The following MCM3 variants were observed in gnomAD, a reference collection of about 807,000 sequenced individuals.
MCM3 encodes the protein minichromosome maintenance complex component 3.
In MCM3, 59 loss-of-function variants were observed where a neutral mutation model predicts 91.3. The observed-to-expected ratio is 0.65, with a 90% CI of 0.52 to 0.80. The LOEUF (loss-of-function observed/expected upper bound fraction) is 0.80. Among genes scored for constraint, MCM3 ranks in the 30% least tolerant of loss-of-function variants. The pLI is 0.00. For missense variants in MCM3, 919 were observed against 1,035.4 expected, an observed-to-expected ratio of 0.89 and a Z score of 1.54; for synonymous variants, 383 against 379.6, an observed-to-expected ratio of 1.01 and a Z score of -0.10.
At chr6:52,268,290 T>A (rs1224464762) in intron 13 of MCM3, among the ~76,000 whole-genome samples, 2 of 152,074 alleles carry the variant, frequency 1.3e-5, no homozygotes, top group Non-Finnish European at 2.9e-5. Context: ...GGTGTCTAAT[T>A]GAAATCCAAG....
chr6:52,267,806 G>A lies in MCM3; in HGVS notation c.2072+59C>T, dbSNP rs370748985. On this transcript the variant is annotated intron_variant, in intron 14 of 16. Coordinates refer to ENST00000596288, the MANE Select transcript of MCM3 (RefSeq NM_002388.6). ...CTCCCAAATTGCTAAGATTACAGGC[G>A]TGCACCCCCAACTTCTTGGCCACTA... 7.8e-5 allele frequency: 58 copies of A among 741,200 alleles called. 2 individuals are homozygous for A. Among genetic ancestry groups the A allele is most frequent in the South Asian group, 6.0e-4 (41 of 68,056 alleles). 45.9% of individuals were successfully genotyped at this position (741,200 alleles called of 1,614,324 possible). A position where few individuals can be genotyped will look rare whatever the true frequency, so the allele number is the denominator to read the frequency against.
In MCM3 at chr6:52,264,736, G is replaced by T. The variant is rs779141230; in HGVS notation, c.2279C>A (p.Ala760Glu). ...ALLDVFREAH[A>E]QSIGMNRLTE... ...GAGGCGATTCATGCCGATTGACTGC[G>T]CATGAGCTTCCCGGAACACATCCAA... Residue 760 changes from alanine (A) to glutamate (E), a missense_variant, in exon 17 of 17, where the codon GCG (alanine) becomes GAG (glutamate). By Grantham distance (107) the Ala-to-Glu change is moderately radical. This residue lies in a region of MCM3 where 285 missense variants were observed against 311.4 expected (regional missense o/e 0.92). Transcript: ENST00000596288. 23 of 1,613,998 alleles carry T rather than the reference G, an allele frequency of 1.4e-5. No individual in the cohort carries two copies. Among genetic ancestry groups the T allele is most frequent in the Non-Finnish European group, 1.9e-5 (23 of 1,180,034 alleles).
chr6:52,279,002 A>T (rs1453076302), intron 5 of MCM3, 152 bp from the exon 6 acceptor site: 1 of 592,434 alleles, frequency 1.7e-6, no homozygotes, highest in African/African-American at 1.9e-5. Flanking sequence ...TTGTGAATTA[A>T]ACAACTGGTT....
intron 6 of MCM3, among the ~76,000 whole-genome samples, chr6:52,278,090 A>G (rs969432157): frequency 2.0e-5 from 3 of 151,002 alleles, no homozygotes; most frequent in Non-Finnish European, 4.4e-5. Flanking sequence ...AAAAAAAAAA[A>G]AAAAAAAGAA....
Position 52,264,625 on chromosome 6 carries a change from T to C in MCM3, c.2390A>G (p.Gln797Arg). The C allele has an allele frequency of 6.2e-7, 1 of 1,614,198 alleles. No homozygotes were observed. The highest frequency in any genetic ancestry group is 8.5e-7 in the Non-Finnish European group (1 of 1,180,032). Reference protein sequence around the residue: ...AALSKMQDDNQVMVSEGIIFL... With the variant: ...AALSKMQDDNRVMVSEGIIFL... ...GATGATGCCCTCAGACACCATGACC[T>C]GATTGTCATCCTGCATCTTGCTCAG... Residue 797 changes from glutamine to arginine, a missense_variant, in exon 17 of 17, where the codon CAG becomes CGG. Gln to Arg is a conservative substitution (Grantham distance 43). Around this residue, in one of 3 missense-constraint regions of MCM3, gnomAD observed 285 missense variants for 311.4 expected, o/e 0.92. Transcript: ENST00000596288.
intron 9 of MCM3, among the ~76,000 whole-genome samples, chr6:52,274,550 T>C (rs17240021): frequency 6.6e-6 from 1 of 152,082 alleles, no homozygotes; most frequent in African/African-American, 2.4e-5. Context: ...TTGCCAGGCA[T>C]GGTGGTACGC....
At chr6:52,281,573 A>C (rs1766100631) in intron 4 of MCM3, among the ~76,000 whole-genome samples, 2 of 152,144 alleles carry the variant, frequency 1.3e-5, no homozygotes, top group South Asian at 4.1e-4. Flanking sequence ...CCAGGTACTC[A>C]GGAGGCTAAG....
At chr6:52,266,584 C>A (rs1477281785) in intron 15 of MCM3, 27 bp downstream of exon 15, 114 of 1,600,988 alleles carry the variant, frequency 7.1e-5, no homozygotes, top group Non-Finnish European at 9.8e-5. Context: ...GGAACAACCT[C>A]TTTCATCAGT....
rs921280636 is a variant in MCM3, at chr6:52,272,217, G to A, written c.1827+84C>T. ...AGGAAAAAAGTCACTAAGTTAAAAT[G>A]CTTTCAAAGCTCCCAGATAGCAGGG... On this transcript the variant is annotated intron_variant, in intron 12 of 16. Coordinates refer to ENST00000596288, the MANE Select transcript of MCM3 (RefSeq NM_002388.6). The A allele has an allele frequency of 1.3e-5, 19 of 1,415,220 alleles. No homozygotes were observed. The African/African-American group carries it at 2.7e-4, about 20-fold the overall frequency. 87.7% of individuals were successfully genotyped at this position (1,415,220 alleles called of 1,614,324 possible).
Position 52,278,846 on chromosome 6 carries a change from C to A in MCM3, c.775G>T (p.Val259Phe), listed in dbSNP as rs777720257. 1 of 1,608,538 alleles carries A rather than the reference C, an allele frequency of 6.2e-7. No individual in the cohort carries two copies. Among genetic ancestry groups the A allele is most frequent in the Admixed American group, 1.7e-5 (1 of 59,992 alleles). ...GGYTSGTFRT[V>F]LIACNVKQMS... is the part of the protein sequence containing the mutation. Reference sequence around the variant, plus strand: ...TGCTTAACATTACAGGCAATCAGGACAGTCCTGGGACAAACAGAATAAAGA... The same window carrying A: ...TGCTTAACATTACAGGCAATCAGGAAAGTCCTGGGACAAACAGAATAAAGA... The change falls in exon 6 of 17, where the codon GTC becomes TTC. Residue 259 changes from valine (V) to phenylalanine (F), a missense_variant. By Grantham distance (50) the Val-to-Phe change is conservative. Around this residue, in one of 3 missense-constraint regions of MCM3, gnomAD observed 401 missense variants for 402.7 expected, o/e 1.00. Coordinates refer to ENST00000596288, the MANE Select transcript of MCM3 (RefSeq NM_002388.6).
Position 52,282,181 on chromosome 6 carries a change from G to T in MCM3, c.401-6C>A. On this transcript the variant is annotated splice_region_variant and splice_polypyrimidine_tract_variant and intron_variant, in intron 3 of 16. Transcript: ENST00000596288. ...TTTGGGACGAACTAGAGAACCTAGG[G>T]ATGGAAAATGTGCATATATAAACTC... is the stretch of plus-strand genomic sequence containing the variant. 1.9e-6 allele frequency: 3 copies of T among 1,614,002 alleles called. No homozygotes were observed. Among genetic ancestry groups the T allele is most frequent in the Non-Finnish European group, 2.5e-6 (3 of 1,179,900 alleles).
chr6:52,271,678 T>C (rs1027161864), intron 12 of MCM3, among the ~76,000 whole-genome samples: 1 of 152,076 alleles, frequency 6.6e-6, no homozygotes, highest in Non-Finnish European at 1.5e-5. Context: ...AAAAAAAAGA[T>C]TTAGACAAAT....
chr6:52,267,659 C>T (rs1293845108), intron 14 of MCM3, among the ~76,000 whole-genome samples: 1 of 151,918 alleles, frequency 6.6e-6, no homozygotes, highest in Non-Finnish European at 1.5e-5. Context: ...TACCGAGCAG[C>T]TGGGACCACA....
chr6:52,266,532 A>C, intron 15 of MCM3, 79 bp downstream of exon 15: 1 of 1,323,018 alleles, frequency 7.6e-7, no homozygotes. Context: ...GTCCACAAGA[A>C]AATAAAGTGC....
At position 52,266,600 on chromosome 6, in the gene MCM3, G is replaced by A. The variant is rs775940101; in HGVS notation, c.2158+11C>T. On this transcript the variant is annotated intron_variant, in intron 15 of 16. Coordinates refer to ENST00000596288, the MANE Select transcript of MCM3 (RefSeq NM_002388.6). ...GAACAACCTCTTTCATCAGTAAGTG[G>A]GCTCACTCACCTTGAGGCATTTCCT... The A allele has an allele frequency of 3.7e-6, 6 of 1,611,292 alleles. No individual in the cohort carries two copies. The highest frequency in any genetic ancestry group is 1.6e-4 in the Middle Eastern group (1 of 6,074).
At chr6:52,266,485 G>T in intron 15 of MCM3, 126 bp downstream of exon 15, 3 of 843,678 alleles carry the variant, frequency 3.6e-6, no homozygotes, top group Non-Finnish European at 5.8e-6. Context: ...CAAACCTCTT[G>T]GACATAGGCC....
chr6:52,276,384 T>G lies in MCM3; in HGVS notation c.1258A>C (p.Thr420Pro). Residue 420 changes from threonine (T) to proline (P), a missense_variant, in exon 9 of 17, where the codon ACA (threonine) becomes CCA (proline). Physicochemically the swap from Thr to Pro is conservative, Grantham distance 38 (BLOSUM62 -1). This residue lies in a region of MCM3 where 233 missense variants were observed against 321.2 expected (regional missense o/e 0.73). Coordinates refer to ENST00000596288, the MANE Select transcript of MCM3 (RefSeq NM_002388.6). ...TGCTCCATCACTTCATGGATGGCTG[T>G]GCGATCCATGTCAGACATTTTGTCA... is the stretch of plus-strand genomic sequence containing the variant. The part of the protein sequence containing the change: ...EFDKMSDMDR[T>P]AIHEVMEQGR... 1 of 1,614,134 alleles carries G rather than the reference T, an allele frequency of 6.2e-7. No individual in the cohort carries two copies. Among genetic ancestry groups the G allele is most frequent in the Admixed American group, 1.7e-5 (1 of 60,028 alleles).
intron 4 of MCM3, among the ~76,000 whole-genome samples, chr6:52,281,042 A>T (rs899060958): frequency 1.3e-5 from 2 of 152,222 alleles, no homozygotes; most frequent in Non-Finnish European, 1.5e-5. Flanking sequence ...AGTAGTTCTC[A>T]ATTAAAATTT....
intron 14 of MCM3, 47 bp downstream of exon 14, chr6:52,267,818 C>A: frequency 1.3e-6 from 1 of 777,744 alleles, no homozygotes; most frequent in South Asian, 1.5e-5. Context: ...GCACCCCCAA[C>A]TTCTTGGCCA....
Sources: allele counts gnomAD v4.1 joint callset (sites outside exome capture counted in the v4.1 genomes callset), GRCh38; gene constraint gnomAD v4.1.1; regional missense constraint gnomAD v4.1.1; transcripts MANE v1.5; gene names NCBI Gene and HGNC (gene_info 2026-07-23, HGNC 2026-07-21).